The following MIB1 variants were observed in gnomAD, a reference collection of about 807,000 sequenced individuals.
MIB1 encodes the protein MIB E3 ubiquitin protein ligase 1, also known as E3 ubiquitin-protein ligase MIB1.
MIB1 carries 278 observed loss-of-function variants against 124.5 expected under a neutral mutation model. The observed-to-expected ratio is 2.23, with a 90% CI of 2.02 to 2.47. MIB1 has a LOEUF of 2.47. MIB1 is among the 30% of genes most tolerant of loss of function. The pLI, the probability that MIB1 is intolerant of heterozygous loss-of-function variation, is 0.00. For synonymous variants in MIB1, 446 were observed against 429.4 expected (o/e 1.04, Z -0.48); for missense variants, 957 against 1,254.4 (o/e 0.76, Z 3.58).
intron 1 of MIB1, among the ~76,000 whole-genome samples, chr18:21,746,710 T>C (rs2040916412): frequency 6.6e-6 from 1 of 152,248 alleles, no homozygotes. Context: ...GTTAAGGTTC[T>C]GTCATTCTTC....
intron 1 of MIB1, among the ~76,000 whole-genome samples, chr18:21,745,710 A>ACACACAC (rs1568183975): frequency 6.8e-6 from 1 of 146,034 alleles, no homozygotes; most frequent in Non-Finnish European, 1.5e-5. Flanking sequence ...ACACACACAC[A>ACACACAC]AAATTTTATT....
chr18:21,760,765 CT>C (rs977210798), intron 1 of MIB1, among the ~76,000 whole-genome samples: 1 of 152,126 alleles, frequency 6.6e-6, no homozygotes, highest in African/African-American at 2.4e-5. Context: ...CAGTTTTTTT[CT>C]GTTGAATGGG....
At chr18:21,774,984 C>T (rs1002742529) in intron 4 of MIB1, among the ~76,000 whole-genome samples, 3 of 150,178 alleles carry the variant, frequency 2.0e-5, no homozygotes, top group African/African-American at 4.9e-5. Flanking sequence ...CTCGCTGTGT[C>T]GCCCAGGCTG....
chr18:21,781,137 G>A (rs909461142), intron 6 of MIB1, among the ~76,000 whole-genome samples: 1 of 151,348 alleles, frequency 6.6e-6, no homozygotes, highest in Non-Finnish European at 1.5e-5. Flanking sequence ...GGCTGGCGCT[G>A]AACCCCTGGC....
chr18:21,824,858 A>T (rs980817113), intron 12 of MIB1, among the ~76,000 whole-genome samples: 2 of 152,090 alleles, frequency 1.3e-5, no homozygotes, highest in East Asian at 3.8e-4. Flanking sequence ...CATTAAGAAA[A>T]TTATACGGAT....
chr18:21,781,298 C>A (rs1039661747), intron 6 of MIB1, among the ~76,000 whole-genome samples: 1 of 142,830 alleles, frequency 7.0e-6, no homozygotes, highest in Admixed American at 7.3e-5. Flanking sequence ...GGCCCTGGGG[C>A]TTTTCTCTGA....
chr18:21,770,755 C>T (rs12606112), intron 3 of MIB1, among the ~76,000 whole-genome samples: 1 of 152,082 alleles, frequency 6.6e-6, no homozygotes, highest in East Asian at 1.9e-4. Context: ...TTCAGACATA[C>T]ACTTGAGTAG....
chr18:21,857,904 T>C (rs1020680402), intron 19 of MIB1, among the ~76,000 whole-genome samples: 2 of 152,252 alleles, frequency 1.3e-5, no homozygotes, highest in Non-Finnish European at 2.9e-5. Flanking sequence ...CTGAGGCTTT[T>C]GTCTTTATCA....
At chr18:21,830,616 T>C (rs997289422) in intron 12 of MIB1, 7 of 152,148 alleles carry the variant, frequency 4.6e-5, no homozygotes, top group Non-Finnish European at 1.0e-4. Flanking sequence ...TGGTGCTCTG[T>C]TACCTGTAAG....
chr18:21,798,038 G>T, intron 7 of MIB1, 46 bp from the exon 8 acceptor site: 1 of 1,592,120 alleles, frequency 6.3e-7, no homozygotes, highest in Non-Finnish European at 8.6e-7. Context: ...TGACTTTATG[G>T]TATATACTTT....
intron 13 of MIB1, among the ~76,000 whole-genome samples, chr18:21,838,823 A>G (rs1376762019): frequency 6.6e-6 from 1 of 152,236 alleles, no homozygotes; most frequent in Non-Finnish European, 1.5e-5. Context: ...ATCATCAACC[A>G]GAGCACCAAG....
rs757332728 is a variant in MIB1, at chr18:21,815,676, G to T, written c.1540G>T (p.Glu514Ter). 1.2e-6 allele frequency: 2 copies of T among 1,614,124 alleles called. No individual in the cohort carries two copies. The highest frequency in any genetic ancestry group is 1.7e-6 in the Non-Finnish European group (2 of 1,179,996). ...TTTTGGAGATGAAGGCGCTGTTATAGAAGTACTACATCGAGGTAGTGCTGA... is the reference window on the plus strand; with the variant it reads ...TTTTGGAGATGAAGGCGCTGTTATATAAGTACTACATCGAGGTAGTGCTGA... ...AAFGDEGAVI[E>*]VLHRGSADLN... Residue 514 changes from glutamate to a stop codon, truncating the protein, a stop_gained, in exon 11 of 21, where the codon GAA (glutamate) becomes TAA (stop). Coordinates refer to ENST00000261537, the MANE Select transcript of MIB1 (RefSeq NM_020774.4). LOFTEE classifies it high-confidence loss of function.
Position 21,849,232 on chromosome 18 carries a change from T to C in MIB1, c.2430T>C (p.Ser810=). The C allele has an allele frequency of 1.2e-6, 2 of 1,601,956 alleles. No individual in the cohort carries two copies. The highest frequency in any genetic ancestry group is 1.7e-6 in the Non-Finnish European group (2 of 1,174,992). The change falls in exon 17 of 21, where the codon AGT becomes AGC. Residue 810 remains serine, a synonymous_variant. Transcript: ENST00000261537. ...GTTCTCGGAGTCCTTCTATGATTAG[T>C]AATGATTCTGAAACCTTAGAAGAGT... ...QVGSRSPSMI[S]NDSETLEECM...
chr18:21,858,580 G>A lies in MIB1; in HGVS notation c.2814G>A (p.Lys938=). The A allele has an allele frequency of 6.3e-7, 1 of 1,595,372 alleles. No homozygotes were observed. The highest frequency in any genetic ancestry group is 8.6e-7 in the Non-Finnish European group (1 of 1,163,760). The change falls in exon 20 of 21, where the codon AAG becomes AAA. Residue 938 remains lysine (K), a synonymous_variant. Transcript: ENST00000261537. ...SGNIPVLQKD[K]DNTNVNADVQ... The stretch of plus-strand genomic sequence containing the variant: ...ATATTCCAGTATTACAAAAGGACAA[G>A]GATAATACCAATGTCAATGCAGATG...
intron 20 of MIB1, among the ~76,000 whole-genome samples, chr18:21,864,197 G>C (rs1400864956): frequency 6.6e-6 from 1 of 152,022 alleles, no homozygotes; most frequent in Non-Finnish European, 1.5e-5. Context: ...TGCAATCTCT[G>C]CTGCCCGCGT....
chr18:21,803,990 G>A lies in MIB1; in HGVS notation c.1455G>A (p.Lys485=). 1 of 1,613,356 alleles carries A rather than the reference G, an allele frequency of 6.2e-7. No individual in the cohort carries two copies. The stretch of plus-strand genomic sequence containing the variant: ...TTGACATTTTGAAGTTACTTTTGAA[G>A]CAAAACGTGGATGTCGAAGCAGAGG... ...GHVDILKLLL[K]QNVDVEAEDK... The change falls in exon 10 of 21, where the codon AAG becomes AAA. Residue 485 remains lysine, a synonymous_variant. Coordinates refer to ENST00000261537, the MANE Select transcript of MIB1 (RefSeq NM_020774.4).
At chr18:21,720,591 A>G (rs1212539905) in intron 1 of MIB1, among the ~76,000 whole-genome samples, 1 of 152,092 alleles carries the variant, frequency 6.6e-6, no homozygotes, top group Non-Finnish European at 1.5e-5. Flanking sequence ...AACAAACAGA[A>G]GAAAAAAATG....
At chr18:21,762,336 A>G (rs2041107709) in intron 1 of MIB1, among the ~76,000 whole-genome samples, 1 of 152,230 alleles carries the variant, frequency 6.6e-6, no homozygotes, top group Non-Finnish European at 1.5e-5. Context: ...ACCAGTGTTG[A>G]AAATATGGGA....
chr18:21,731,931 C>T (rs1175904531), intron 1 of MIB1, among the ~76,000 whole-genome samples: 6 of 151,916 alleles, frequency 3.9e-5, no homozygotes, highest in Admixed American at 3.9e-4. Context: ...TTTTGTCCAT[C>T]CCTAAAGAAC....
Sources: allele counts gnomAD v4.1 joint callset (sites outside exome capture counted in the v4.1 genomes callset), GRCh38; gene constraint gnomAD v4.1.1; transcripts MANE v1.5; gene names NCBI Gene and HGNC (gene_info 2026-07-23, HGNC 2026-07-21).